Variants in NEDD9 observed in about 807,000 individuals in gnomAD.
The protein encoded by NEDD9 is neural precursor cell expressed, developmentally down-regulated 9.
Under a neutral mutation model 76.6 loss-of-function variants are expected in NEDD9, and 26 were observed. The ratio of observed to expected loss-of-function variants is 0.34; its 90% confidence interval spans 0.25 to 0.47. NEDD9 has a LOEUF of 0.47. Among genes scored for constraint, NEDD9 ranks in the 20% least tolerant of loss-of-function variants. NEDD9 has a pLI of 1.00. For synonymous variants in NEDD9, 392 were observed against 414.2 expected (o/e 0.95, Z 0.65); for missense variants, 937 against 1,058.5 (o/e 0.89, Z 1.59).
At chr6:11,320,141 G>A (rs1177411381) in intron 2 of NEDD9, among the ~76,000 whole-genome samples, 1 of 152,100 alleles carries the variant, frequency 6.6e-6, no homozygotes, top group Non-Finnish European at 1.5e-5. Context: ...CAGTGACCAC[G>A]CCCTGCCGCT....
At chr6:11,303,865 A>G (rs981897155) in intron 3 of NEDD9, among the ~76,000 whole-genome samples, 5 of 152,310 alleles carry the variant, frequency 3.3e-5, no homozygotes, top group African/African-American at 9.6e-5. Context: ...CTAAAAGAAA[A>G]CCTAGGCAAT....
chr6:11,338,650 G>T (rs979396528), intron 1 of NEDD9, among the ~76,000 whole-genome samples: 1 of 152,074 alleles, frequency 6.6e-6, no homozygotes, highest in Non-Finnish European at 1.5e-5. Flanking sequence ...TAGGCTGAGC[G>T]CAGTGGCTCA....
At position 11,190,949 on chromosome 6, in the gene NEDD9, C is replaced by G. The variant is rs768843576; in HGVS notation, c.920G>C (p.Gly307Ala). The change falls in exon 5 of 7, where the codon GGA becomes GCA. Residue 307 changes from glycine (G) to alanine (A), a missense_variant. Coordinates refer to ENST00000379446, the MANE Select transcript of NEDD9 (RefSeq NM_006403.4). The surrounding 1 kb of genome is among the most constrained non-coding windows in gnomAD (Gnocchi z 5.8). ...GTCGTTCTGAGAGCCCACTGACTGT[C>G]CGAGTTGCGGGGGTGGGTGATTCGG... ...LSPNHPPPQL[G>A]QSVGSQNDAY... 6.2e-7 allele frequency: 1 copy of G among 1,614,090 alleles called. No homozygotes were observed. Among genetic ancestry groups the G allele is most frequent in the Non-Finnish European group, 8.5e-7 (1 of 1,180,024 alleles).
intron 2 of NEDD9, among the ~76,000 whole-genome samples, chr6:11,201,513 G>A (rs1266337824): frequency 1.3e-5 from 2 of 152,186 alleles, no homozygotes; most frequent in Admixed American, 6.5e-5. Flanking sequence ...GTAAAAAAAC[G>A]AAGCAGAAAA....
chr6:11,380,136 G>A (rs1763036278), intron 1 of NEDD9, among the ~76,000 whole-genome samples: 1 of 152,196 alleles, frequency 6.6e-6, no homozygotes, highest in South Asian at 2.1e-4. Context: ...ATGGATATGT[G>A]GGAAATCAAA....
Position 11,190,409 on chromosome 6 carries a change from C to A in NEDD9, c.1460G>T (p.Arg487Leu). ...PELILHNKMK[R>L]ELQRVEDSHQ... ...GGAGTCTTCAACTCGTTGCAGCTCC[C>A]GCTTCATCTTGTTGTGGAGGATGAG... The change falls in exon 5 of 7, where the codon CGG becomes CTG. Residue 487 changes from arginine to leucine, a missense_variant. Coordinates refer to ENST00000379446, the MANE Select transcript of NEDD9 (RefSeq NM_006403.4). The surrounding 1 kb of genome is among the most constrained non-coding windows in gnomAD (Gnocchi z 5.8). The A allele has an allele frequency of 6.2e-7, 1 of 1,614,168 alleles. No individual in the cohort carries two copies. The highest frequency in any genetic ancestry group is 8.5e-7 in the Non-Finnish European group (1 of 1,180,028).
chr6:11,279,674 G>T (rs1760493047), intron 3 of NEDD9, among the ~76,000 whole-genome samples: 1 of 152,170 alleles, frequency 6.6e-6, no homozygotes, highest in Non-Finnish European at 1.5e-5. Context: ...TGGCTCGCAG[G>T]ATATCAAGGG....
intron 3 of NEDD9, among the ~76,000 whole-genome samples, chr6:11,238,428 A>G (rs781346578): frequency 1.1e-4 from 16 of 152,242 alleles, no homozygotes; most frequent in Non-Finnish European, 2.1e-4. Flanking sequence ...TGTCCGCTCA[A>G]TAAGGTCGAG....
rs1466168129 is a variant in NEDD9, at chr6:11,232,074, C to T, written c.12+430G>A. On this transcript the variant is annotated intron_variant, in intron 1 of 6. Transcript: ENST00000379446. ...TTAAAGCAAAGTCTGGAAAACTTTG[C>T]ACTAAGAGCCAGTCTGAGACAGACT... Among the ~76,000 whole-genome samples the T allele has an allele frequency of 2.0e-5, 3 of 152,138 alleles. 1 individual carries two copies. The Middle Eastern group carries it at 9.5e-3, about 481-fold the overall frequency.
intron 2 of NEDD9, chr6:11,201,104 A>C: frequency 6.2e-7 from 1 of 1,605,098 alleles, no homozygotes; most frequent in Non-Finnish European, 8.5e-7. Context: ...TCACTTGTTC[A>C]AGGTCTCAGC....
intron 2 of NEDD9, among the ~76,000 whole-genome samples, chr6:11,194,214 T>C (rs1376641768): frequency 2.0e-5 from 3 of 152,160 alleles, no homozygotes; most frequent in African/African-American, 7.2e-5. Context: ...ATCCCTAAAA[T>C]ATCTCTATCA....
chr6:11,320,028 T>C (rs1487312157), intron 2 of NEDD9, among the ~76,000 whole-genome samples: 1 of 152,222 alleles, frequency 6.6e-6, no homozygotes, highest in Admixed American at 6.5e-5. Flanking sequence ...ACAGGCCCTG[T>C]ATCCTTGGCT....
chr6:11,198,084 G>A lies in NEDD9; in HGVS notation c.460-4392C>T, dbSNP rs999351064. Among the ~76,000 whole-genome samples, 3 of 152,166 alleles carry A rather than the reference G, an allele frequency of 2.0e-5. No individual in the cohort carries two copies. Among genetic ancestry groups the A allele is most frequent in the Admixed American group, 6.5e-5 (1 of 15,270 alleles). ...AAACAAGCCAGGCTTTGGTGCCGGGGAGACAGAACTCCTTCTACCGAAAGA... is the reference window on the plus strand; with the variant it reads ...AAACAAGCCAGGCTTTGGTGCCGGGAAGACAGAACTCCTTCTACCGAAAGA... On this transcript the variant is annotated intron_variant, in intron 2 of 6. Transcript: ENST00000379446. The surrounding 1 kb of genome is among the most constrained non-coding windows in gnomAD (Gnocchi z 4.7).
At chr6:11,218,072 T>C (rs1759008887) in intron 1 of NEDD9, among the ~76,000 whole-genome samples, 1 of 152,270 alleles carries the variant, frequency 6.6e-6, no homozygotes, top group Non-Finnish European at 1.5e-5. Flanking sequence ...TACAGGAGGA[T>C]GGCATCTGAA....
chr6:11,294,415 G>A (rs928101396), intron 3 of NEDD9, among the ~76,000 whole-genome samples: 3 of 152,096 alleles, frequency 2.0e-5, no homozygotes, highest in Non-Finnish European at 4.4e-5. Context: ...TAGTGAGTAA[G>A]TTCTCATGAG....
upstream of NEDD9, among the ~76,000 whole-genome samples, chr6:11,236,643 T>C (rs1360074137): frequency 6.6e-6 from 1 of 152,214 alleles, no homozygotes; most frequent in African/African-American, 2.4e-5. The surrounding 1 kb of genome is among the most constrained non-coding windows in gnomAD (Gnocchi z 5.5). Flanking sequence ...GTTTGAGTTA[T>C]AACAGCAATT....
chr6:11,245,392 C>T (rs1284259282), intron 3 of NEDD9, among the ~76,000 whole-genome samples: 2 of 152,184 alleles, frequency 1.3e-5, no homozygotes, highest in African/African-American at 4.8e-5. Flanking sequence ...GTGATAGCGG[C>T]AGTGTTTTGT....
At chr6:11,233,347 G>A, upstream of NEDD9, 1 of 519,020 alleles carries the variant, frequency 1.9e-6, no homozygotes. Context: ...TCTCACCAGG[G>A]CCTCAGAGTT....
chr6:11,271,906 C>A (rs1420979192), intron 3 of NEDD9: 1 of 152,176 alleles, frequency 6.6e-6, no homozygotes, highest in East Asian at 1.9e-4. Flanking sequence ...TGCATTTGGG[C>A]CCCTGCTATG....
Sources: gnomAD v4.1 joint callset for allele counts (sites outside exome capture counted in the v4.1 genomes callset) on GRCh38, gnomAD v4.1.1 for gene constraint, Gnocchi (gnomAD v3.1) non-coding constraint, MANE v1.5 for transcripts, NCBI Gene and HGNC (gene_info 2026-07-23, HGNC 2026-07-21) for gene names.